Variants in SNTG2 observed in about 807,000 individuals in gnomAD.
The protein encoded by SNTG2 is syntrophin gamma 2.
A neutral mutation model predicts 70.9 loss-of-function variants in SNTG2; 74 were observed. The ratio of observed to expected loss-of-function variants is 1.04; its 90% CI spans 0.86 to 1.27. SNTG2 has a LOEUF of 1.27. Among genes scored for constraint, SNTG2 ranks in the 50% most tolerant of loss-of-function variants. The probability of loss-of-function intolerance (pLI) is 0.00; values close to 1 mark genes in which losing one functional copy is unlikely to be tolerated. For missense variants in SNTG2, 717 were observed against 690.7 expected, an observed-to-expected ratio of 1.04 and a Z score of -0.43; for synonymous variants, 278 against 273.8, an observed-to-expected ratio of 1.02 and a Z score of -0.15.
chr2:1,007,648 A>G (rs915645697), intron 1 of SNTG2, among the ~76,000 whole-genome samples: 3 of 152,224 alleles, frequency 2.0e-5, no homozygotes, highest in African/African-American at 7.2e-5. Context: ...AAATCATCAT[A>G]GAATGATGTA....
intron 1 of SNTG2, among the ~76,000 whole-genome samples, chr2:992,233 A>G (rs1393826277): frequency 6.6e-6 from 1 of 152,240 alleles, no homozygotes; most frequent in Admixed American, 6.5e-5. Context: ...CAGAAAAGAA[A>G]TATTGGGGAA....
At chr2:1,106,763 CG>C (rs1296137939) in intron 4 of SNTG2, among the ~76,000 whole-genome samples, 3 of 56,000 alleles carry the variant, frequency 5.4e-5, no homozygotes, top group African/African-American at 2.6e-4. Flanking sequence ...TGCTGTCACT[CG>C]GGTGCAGGGT....
intron 9 of SNTG2, among the ~76,000 whole-genome samples, chr2:1,221,231 TCTCTGC>T (rs1256509224): frequency 1.6e-5 from 2 of 124,306 alleles, no homozygotes; most frequent in African/African-American, 3.1e-5. Context: ...TCTGAGTCTG[TCTCTGC>T]CTCTGCCTCT....
chr2:1,147,551 C>T (rs939402208), intron 6 of SNTG2, among the ~76,000 whole-genome samples: 2 of 152,252 alleles, frequency 1.3e-5, no homozygotes, highest in Admixed American at 1.3e-4. Flanking sequence ...CCTCAGCATG[C>T]AGATGGCCTA....
intron 1 of SNTG2, 33 bp from the exon 2 acceptor site, chr2:1,083,485 C>T (rs753861303): frequency 2.0e-5 from 33 of 1,612,168 alleles, no homozygotes; most frequent in Non-Finnish European, 2.7e-5. Flanking sequence ...TGCCCTCACA[C>T]CATTTTTTTG....
intron 1 of SNTG2, among the ~76,000 whole-genome samples, chr2:1,021,977 T>C (rs1304972640): frequency 3.5e-5 from 5 of 144,404 alleles, no homozygotes; most frequent in African/African-American, 1.3e-4. Context: ...AAGCTCCTAA[T>C]AATCCTATCA....
intron 9 of SNTG2, among the ~76,000 whole-genome samples, chr2:1,219,565 C>G (rs894674526): frequency 6.6e-6 from 1 of 152,148 alleles, no homozygotes; most frequent in Non-Finnish European, 1.5e-5. Context: ...ACAGGAGGAA[C>G]TGCTTTTTAT....
chr2:1,070,274 GGACATTGCAATTGAT>G lies in SNTG2; in HGVS notation c.73-13234_73-13220del, dbSNP rs1264423338. Among the ~76,000 whole-genome samples the G allele has an allele frequency of 3.3e-5, 5 of 152,062 alleles. No individual in the cohort carries two copies. The Middle Eastern group carries it at 0.01, about 310-fold the overall frequency. ...ACAACAGTTTTGACAGGTAGATGTG[GGACATTGCAATTGAT>G]GACATTGCAGCTCTTCAGCAAATGG... On this transcript the variant is annotated intron_variant, in intron 1 of 16. Transcript: ENST00000308624.
At chr2:1,089,583 C>T (rs189958858) in intron 2 of SNTG2, among the ~76,000 whole-genome samples, 5 of 152,212 alleles carry the variant, frequency 3.3e-5, no homozygotes, top group Non-Finnish European at 5.9e-5. Flanking sequence ...TGCAGTGAGC[C>T]GAGATTGTGC....
chr2:1,177,681 T>C (rs1305395554), intron 8 of SNTG2, among the ~76,000 whole-genome samples: 4 of 147,000 alleles, frequency 2.7e-5, no homozygotes, highest in Non-Finnish European at 4.5e-5. Flanking sequence ...AAGAAAAAAA[T>C]AATATATTTT....
intron 13 of SNTG2, among the ~76,000 whole-genome samples, chr2:1,259,939 G>A (rs1285908354): frequency 6.6e-6 from 1 of 152,186 alleles, no homozygotes; most frequent in Non-Finnish European, 1.5e-5. Flanking sequence ...CAGGGCCCTA[G>A]CCCAGGCCCC....
At chr2:1,314,525 T>C (rs1317027976) in intron 15 of SNTG2, among the ~76,000 whole-genome samples, 1 of 152,148 alleles carries the variant, frequency 6.6e-6, no homozygotes, top group East Asian at 1.9e-4. Flanking sequence ...CTCGGGCAGC[T>C]CCCTCACTGG....
intron 9 of SNTG2, among the ~76,000 whole-genome samples, chr2:1,236,505 T>C (rs1201022293): frequency 1.3e-5 from 2 of 152,222 alleles, no homozygotes; most frequent in African/African-American, 4.8e-5. Context: ...CACAGTCACC[T>C]CCACCTTCAC....
intron 2 of SNTG2, among the ~76,000 whole-genome samples, chr2:1,094,415 G>GT (rs1249782083): frequency 1.4e-5 from 1 of 68,976 alleles, no homozygotes; most frequent in Non-Finnish European, 2.6e-5. Flanking sequence ...TTGTAGGTGT[G>GT]TCCTCATATG....
At chr2:1,227,016 C>T (rs1675833313) in intron 9 of SNTG2, among the ~76,000 whole-genome samples, 1 of 152,240 alleles carries the variant, frequency 6.6e-6, no homozygotes, top group Non-Finnish European at 1.5e-5. Context: ...AGCAGGTGCC[C>T]TGCGTGCTGT....
chr2:1,317,088 T>G (rs111499402), intron 16 of SNTG2, among the ~76,000 whole-genome samples: 8 of 89,576 alleles, frequency 8.9e-5, no homozygotes, highest in African/African-American at 2.0e-4. Flanking sequence ...TCTGGAGCAT[T>G]TAGCATCAGG....
chr2:1,236,688 G>A (rs1208018274), intron 9 of SNTG2, among the ~76,000 whole-genome samples: 1 of 152,158 alleles, frequency 6.6e-6, no homozygotes, highest in African/African-American at 2.4e-5. Context: ...AGCAAACTCT[G>A]GTCTGATAGA....
chr2:1,291,516 A>G (rs1679992419), intron 14 of SNTG2, among the ~76,000 whole-genome samples: 1 of 152,118 alleles, frequency 6.6e-6, no homozygotes, highest in Non-Finnish European at 1.5e-5. Flanking sequence ...TTTTGATTTA[A>G]TTTTGGGATA....
At chr2:1,205,293 A>G (rs975705864) in intron 8 of SNTG2, among the ~76,000 whole-genome samples, 5 of 152,354 alleles carry the variant, frequency 3.3e-5, no homozygotes, top group African/African-American at 9.6e-5. Context: ...ATTCATTTCC[A>G]GTAACTTTAT....
Sources: gnomAD v4.1 joint callset for allele counts (sites outside exome capture counted in the v4.1 genomes callset) on GRCh38, gnomAD v4.1.1 for gene constraint, MANE v1.5 for transcripts, NCBI Gene and HGNC (gene_info 2026-07-23, HGNC 2026-07-21) for gene names.